The following GAB2 variants were observed in gnomAD, a reference collection of about 807,000 sequenced individuals.
GAB2 encodes the protein GRB2 associated binding protein 2.
In GAB2, 26 loss-of-function variants were observed where a neutral mutation model predicts 65.5. That is an observed-to-expected ratio of 0.40 (90% CI 0.29 to 0.55). The LOEUF is 0.55. GAB2 is among the 20% of genes least tolerant of loss of function. GAB2 has a pLI of 0.53. For synonymous variants in GAB2, 321 were observed against 329.6 expected (o/e 0.97, Z 0.28); for missense variants, 884 against 875.8 (o/e 1.01, Z -0.12).
chr11:78,345,770 C>G (rs1165370995), intron 1 of GAB2, among the ~76,000 whole-genome samples: 1 of 152,160 alleles, frequency 6.6e-6, no homozygotes, highest in Non-Finnish European at 1.5e-5. Context: ...AAAGAAAATT[C>G]TCATGGAACA....
At chr11:78,414,577 C>T (rs775900729) in intron 1 of GAB2, among the ~76,000 whole-genome samples, 7 of 152,048 alleles carry the variant, frequency 4.6e-5, no homozygotes, top group Non-Finnish European at 8.8e-5. Flanking sequence ...TGCATGCACG[C>T]GCATACACAC....
chr11:78,322,922 A>G (rs1026482966), intron 1 of GAB2, among the ~76,000 whole-genome samples: 10 of 152,198 alleles, frequency 6.6e-5, no homozygotes, highest in African/African-American at 2.4e-4. Context: ...GATTTTGCAA[A>G]GACTAAAAAT....
intron 3 of GAB2, 114 bp downstream of exon 3, chr11:78,250,043 T>C: frequency 9.1e-7 from 1 of 1,099,024 alleles, no homozygotes; most frequent in South Asian, 1.4e-5. Context: ...ATAGACGTGT[T>C]TGTCTACCTG....
intron 3 of GAB2, among the ~76,000 whole-genome samples, chr11:78,231,246 C>T (rs1156243164): frequency 1.3e-5 from 2 of 152,190 alleles, no homozygotes; most frequent in African/African-American, 4.8e-5. Context: ...AGTGCCTTCC[C>T]TTTCCATTCC....
intron 1 of GAB2, among the ~76,000 whole-genome samples, chr11:78,373,540 A>G (rs1315851744): frequency 6.6e-6 from 1 of 152,162 alleles, no homozygotes; most frequent in African/African-American, 2.4e-5. Context: ...GCCTGGCCAT[A>G]TAATGACTTT....
chr11:78,300,703 T>G (rs1335564195), intron 1 of GAB2, among the ~76,000 whole-genome samples: 2 of 142,942 alleles, frequency 1.4e-5, no homozygotes, highest in African/African-American at 2.7e-5. Flanking sequence ...TTGTTTTTTT[T>G]TTTTTTTTTG....
chr11:78,342,826 A>T (rs928773755), intron 1 of GAB2, among the ~76,000 whole-genome samples: 1 of 152,212 alleles, frequency 6.6e-6, no homozygotes. Context: ...AGTACAGAAC[A>T]TGTATTTAGT....
intron 1 of GAB2, among the ~76,000 whole-genome samples, chr11:78,397,281 T>C (rs1028026798): frequency 2.0e-5 from 3 of 152,222 alleles, no homozygotes; most frequent in African/African-American, 4.8e-5. Context: ...TCCTGAGTAA[T>C]ATTTGTTCAA....
intron 2 of GAB2, among the ~76,000 whole-genome samples, chr11:78,258,657 GC>G (rs1865658615): frequency 6.6e-6 from 1 of 151,448 alleles, no homozygotes; most frequent in Non-Finnish European, 1.5e-5. Context: ...TAGTGCAGTG[GC>G]ACAATTATGG....
chr11:78,253,914 T>C (rs73511307), intron 2 of GAB2, among the ~76,000 whole-genome samples: 4,596 of 152,298 alleles, frequency 0.03, 209 homozygotes, highest in African/African-American at 0.1. Context: ...ATAAACGCCA[T>C]TGACACAACC....
intron 1 of GAB2, among the ~76,000 whole-genome samples, chr11:78,306,521 T>C (rs1169813243): frequency 6.6e-6 from 1 of 152,216 alleles, no homozygotes; most frequent in Non-Finnish European, 1.5e-5. Context: ...CGGTGAGCAC[T>C]GCGCCCGGCC....
intron 1 of GAB2, among the ~76,000 whole-genome samples, chr11:78,413,127 G>C (rs1227107524): frequency 2.6e-4 from 40 of 152,134 alleles, no homozygotes; most frequent in Admixed American, 2.6e-3. Context: ...GTGTTGACTG[G>C]GAAACATTCA....
intron 1 of GAB2, among the ~76,000 whole-genome samples, chr11:78,283,412 T>C (rs973466891): frequency 6.6e-6 from 1 of 152,186 alleles, no homozygotes; most frequent in African/African-American, 2.4e-5. Context: ...CATCAAGACA[T>C]CAACGTTTCC....
intron 1 of GAB2, among the ~76,000 whole-genome samples, chr11:78,409,343 G>C (rs906576734): frequency 1.3e-5 from 2 of 152,178 alleles, no homozygotes; most frequent in African/African-American, 4.8e-5. Context: ...CCAGCACTTT[G>C]GGAGGCCGAG....
chr11:78,221,886 G>A (rs551515692), intron 7 of GAB2, 107 bp from the exon 8 acceptor site: 7 of 735,938 alleles, frequency 9.5e-6, no homozygotes, highest in Non-Finnish European at 1.7e-5. Flanking sequence ...TCAGCCATTA[G>A]AGCTGCACAC....
Position 78,219,210 on chromosome 11 carries a change from G to A in GAB2, c.*62C>T. On this transcript the variant is annotated 3_prime_UTR_variant, in exon 10 of 10. Coordinates refer to ENST00000361507, the MANE Select transcript of GAB2 (RefSeq NM_080491.3). ...GGGAGGAAGAACGGGAGAGGGGAGAGGGGAGATGGGAAGGGCCAGCTCTGG... is the reference window on the plus strand; with the variant it reads ...GGGAGGAAGAACGGGAGAGGGGAGAAGGGAGATGGGAAGGGCCAGCTCTGG... 1 of 1,497,410 alleles carries A rather than the reference G, an allele frequency of 6.7e-7. No homozygotes were observed. The highest frequency in any genetic ancestry group is 9.2e-7 in the Non-Finnish European group (1 of 1,084,106). The allele number at this position is 1,497,410 out of a possible 1,614,324, so 92.8% of individuals were successfully genotyped here.
chr11:78,351,939 G>T (rs770669465), intron 1 of GAB2, among the ~76,000 whole-genome samples: 28 of 152,284 alleles, frequency 1.8e-4, no homozygotes, highest in Non-Finnish European at 4.0e-4. Context: ...CAGGTCGAGC[G>T]CAGTGGCTCA....
chr11:78,355,866 T>C (rs751592369), intron 1 of GAB2, among the ~76,000 whole-genome samples: 1 of 151,958 alleles, frequency 6.6e-6, no homozygotes, highest in Admixed American at 6.6e-5. Flanking sequence ...CTTAGCCAAC[T>C]CATCTTTAAG....
chr11:78,353,093 C>G (rs1256294714), intron 1 of GAB2, among the ~76,000 whole-genome samples: 2 of 152,120 alleles, frequency 1.3e-5, no homozygotes, highest in Non-Finnish European at 2.9e-5. Context: ...CATCTAGGAG[C>G]TTGTTACACG....
Sources: allele counts gnomAD v4.1 joint callset (sites outside exome capture counted in the v4.1 genomes callset), GRCh38; gene constraint gnomAD v4.1.1; transcripts MANE v1.5; gene names NCBI Gene and HGNC (gene_info 2026-07-23, HGNC 2026-07-21).